CLTCL1: variants seen among roughly 807,000 people sequenced by gnomAD.
CLTCL1 encodes clathrin heavy chain like 1, also known as clathrin heavy chain 2.
In CLTCL1, 159 loss-of-function variants were observed where a neutral mutation model predicts 190.0. The observed-to-expected ratio is 0.84, with a 90% CI of 0.74 to 0.95. The LOEUF (loss-of-function observed/expected upper bound fraction) is 0.95, where lower values mean the gene tolerates loss of function less well. CLTCL1 is among the 40% of genes least tolerant of loss of function. CLTCL1 has a pLI of 0.00. For missense variants in CLTCL1, 1,878 were observed against 2,033.4 expected (o/e 0.92, Z 1.47); for synonymous variants, 752 against 769.6 (o/e 0.98, Z 0.38).
At chr22:19,220,612 T>C (rs1440578777) in intron 17 of CLTCL1, among the ~76,000 whole-genome samples, 7 of 152,200 alleles carry the variant, frequency 4.6e-5, no homozygotes, top group African/African-American at 1.7e-4. Context: ...ACTTGCTAAA[T>C]CCTGGTGAGG....
At chr22:19,213,618 T>C (rs1338521420) in intron 19 of CLTCL1, among the ~76,000 whole-genome samples, 2 of 152,248 alleles carry the variant, frequency 1.3e-5, no homozygotes, top group Non-Finnish European at 2.9e-5. Context: ...GCTGATGCGA[T>C]GCACTCACCA....
intron 29 of CLTCL1, among the ~76,000 whole-genome samples, chr22:19,185,741 T>A (rs1355451945): frequency 5.3e-5 from 8 of 152,364 alleles, no homozygotes; most frequent in Admixed American, 5.2e-4. Context: ...CTGATGGCCC[T>A]GCTCACTCAT....
chr22:19,217,387 C>A (rs532933482), intron 18 of CLTCL1, among the ~76,000 whole-genome samples: 1 of 152,004 alleles, frequency 6.6e-6, no homozygotes, highest in Admixed American at 6.6e-5. Context: ...GAGGCCAAGA[C>A]GGGCAGATCA....
chr22:19,251,455 T>TTTTTG (rs1374939403), intron 3 of CLTCL1, among the ~76,000 whole-genome samples: 4 of 152,192 alleles, frequency 2.6e-5, no homozygotes, highest in African/African-American at 4.8e-5. Flanking sequence ...TCTAGATGCC[T>TTTTTG]TTTTGTTTTG....
intron 2 of CLTCL1, among the ~76,000 whole-genome samples, 190 bp downstream of exon 2, chr22:19,275,433 A>T (rs1348859443): frequency 6.6e-6 from 1 of 151,732 alleles, no homozygotes; most frequent in African/African-American, 2.4e-5. Context: ...GATGTTACCA[A>T]GAAGCTCTGG....
At chr22:19,286,097 CCT>C (rs1212239922) in intron 1 of CLTCL1, among the ~76,000 whole-genome samples, 1 of 152,270 alleles carries the variant, frequency 6.6e-6, no homozygotes, top group East Asian at 1.9e-4. Flanking sequence ...TGACTCAGAT[CCT>C]CCTAGGACTT....
intron 29 of CLTCL1, chr22:19,184,370 T>A: frequency 2.4e-6 from 1 of 424,358 alleles, no homozygotes; most frequent in Admixed American, 2.4e-5. Context: ...CAGCTCTGCA[T>A]GCCTGCCATC....
intron 6 of CLTCL1, among the ~76,000 whole-genome samples, chr22:19,235,208 CA>C (rs2086042807): frequency 6.6e-6 from 1 of 151,432 alleles, no homozygotes; most frequent in Non-Finnish European, 1.5e-5. Flanking sequence ...CTCACTGTTT[CA>C]CCCAGGCTGG....
At position 19,233,041 on chromosome 22, in the gene CLTCL1, A is replaced by G. The variant is rs138289650; in HGVS notation, c.1521+125T>C. The G allele has an allele frequency of 3.8e-4, 375 of 995,702 alleles. 2 individuals are homozygous for G. In the East Asian group the frequency reaches 8.4e-3, roughly 22 times the overall value. The allele number at this position is 995,702 out of a possible 1,614,324, so 61.7% of individuals were successfully genotyped here. On this transcript the variant is annotated intron_variant, in intron 9 of 32. Coordinates refer to ENST00000427926, the MANE Select transcript of CLTCL1 (RefSeq NM_007098.4). Reference sequence around the variant, plus strand: ...GATCATTATGAATAAAGATCCTAACAGCAACATTGCCAACTCTCACACCAG... The same window carrying G: ...GATCATTATGAATAAAGATCCTAACGGCAACATTGCCAACTCTCACACCAG...
chr22:19,209,638 G>C (rs1280360514), intron 20 of CLTCL1, among the ~76,000 whole-genome samples: 1 of 152,190 alleles, frequency 6.6e-6, no homozygotes. Context: ...GAGCCCATGA[G>C]GGGGCACAAA....
intron 8 of CLTCL1, 30 bp downstream of exon 8, chr22:19,233,392 G>C (rs1569203858): frequency 6.2e-7 from 1 of 1,613,212 alleles, no homozygotes; most frequent in Admixed American, 1.7e-5. Flanking sequence ...AAGCTGTGCG[G>C]GGGGGCTACG....
rs782309571 is a variant in CLTCL1 at position 19,210,421 on chromosome 22, C to G, written c.3154G>C (p.Ala1052Pro). ...ACAGCGATGCTCGCGATGTCCAGTG[C>G]GTCATAGTTGTCCAGGCGGCTGATG... is the stretch of plus-strand genomic sequence containing the variant. ...EYISRLDNYD[A>P]LDIASIAVSS... The change falls in exon 20 of 33, where the codon GCA becomes CCA. Residue 1052 changes from alanine (A) to proline (P), a missense_variant. Ala to Pro is a conservative substitution (Grantham distance 27). Transcript: ENST00000427926. 6.2e-7 allele frequency: 1 copy of G among 1,613,992 alleles called. No homozygotes were observed. The highest frequency in any genetic ancestry group is 8.5e-7 in the Non-Finnish European group (1 of 1,179,884).
At chr22:19,238,913 C>T (rs2086165351) in intron 5 of CLTCL1, among the ~76,000 whole-genome samples, 1 of 152,136 alleles carries the variant, frequency 6.6e-6, no homozygotes, top group South Asian at 2.1e-4. Context: ...TATACACGTG[C>T]CCTGGTGGTT....
At chr22:19,223,734 T>C (rs1468470960) in intron 14 of CLTCL1, among the ~76,000 whole-genome samples, 157 bp downstream of exon 14, 4 of 152,220 alleles carry the variant, frequency 2.6e-5, no homozygotes, top group Non-Finnish European at 4.4e-5. Flanking sequence ...AGGGTTACTT[T>C]AGAACTTTAA....
In CLTCL1 at chr22:19,191,385, G is replaced by C. The variant is rs1174549131; in HGVS notation, c.4242C>G (p.Tyr1414Ter). The change falls in exon 27 of 33, where the codon TAC (tyrosine) becomes TAG (stop). Residue 1414 changes from tyrosine to a stop codon, truncating the protein, a stop_gained. Coordinates refer to ENST00000427926, the MANE Select transcript of CLTCL1 (RefSeq NM_007098.4). LOFTEE classifies it high-confidence loss of function. ...GCAGGTCATTGATGAGCAGTGGTTT[G>C]TAATCCAAATAGAACTGCAGGGCTC... is the stretch of plus-strand genomic sequence containing the variant. The part of the protein sequence containing the change: ...CYRALQFYLD[Y>*]KPLLINDLLL... 2.5e-6 allele frequency: 4 copies of C among 1,613,884 alleles called. No homozygotes were observed. The highest frequency in any genetic ancestry group is 3.4e-6 in the Non-Finnish European group (4 of 1,179,906).
chr22:19,247,881 C>T (rs1555968584), intron 3 of CLTCL1, among the ~76,000 whole-genome samples: 1 of 151,952 alleles, frequency 6.6e-6, no homozygotes, highest in African/African-American at 2.4e-5. Flanking sequence ...TTTTTAAAAG[C>T]TTAATTGAGA....
chr22:19,257,112 C>A (rs887465494), intron 2 of CLTCL1, among the ~76,000 whole-genome samples: 1 of 152,006 alleles, frequency 6.6e-6, no homozygotes, highest in African/African-American at 2.4e-5. Flanking sequence ...GTATATGGAA[C>A]CTCAAAGGAC....
chr22:19,181,788 C>G (rs1393089181), intron 30 of CLTCL1: 1 of 152,268 alleles, frequency 6.6e-6, no homozygotes, highest in Non-Finnish European at 1.5e-5. Context: ...TTGCCAGCCC[C>G]CTCCTCTCCT....
intron 20 of CLTCL1, 46 bp from the exon 21 acceptor site, chr22:19,209,160 C>G (rs2085143079): frequency 2.0e-6 from 3 of 1,486,634 alleles, no homozygotes; most frequent in African/African-American, 2.8e-5. Flanking sequence ...ATCTAGTCAG[C>G]TCCAAAAAAC....
Sources: gnomAD v4.1 joint callset for allele counts (sites outside exome capture counted in the v4.1 genomes callset) on GRCh38, gnomAD v4.1.1 for gene constraint, MANE v1.5 for transcripts, NCBI Gene and HGNC (gene_info 2026-07-23, HGNC 2026-07-21) for gene names.